Variants in NOL4 observed in about 807,000 individuals in gnomAD.
NOL4 encodes the protein cancer/testis antigen 125.
NOL4 carries 17 observed loss-of-function variants against 75.9 expected under a neutral mutation model. The ratio of observed to expected loss-of-function variants is 0.22; its 90% CI spans 0.15 to 0.34. The LOEUF (loss-of-function observed/expected upper bound fraction) is 0.34, where lower values mean the gene tolerates loss of function less well. Ranked by LOEUF, NOL4 falls within the 10% of genes least tolerant of loss-of-function variation. The pLI, the probability that NOL4 is intolerant of heterozygous loss-of-function variation, is 1.00. For synonymous variants in NOL4, 292 were observed against 289.9 expected, an observed-to-expected ratio of 1.01 and a Z score of -0.07; for missense variants, 614 against 793.5, an observed-to-expected ratio of 0.77 and a Z score of 2.72.
chr18:33,913,368 T>A (rs2066521801), intron 9 of NOL4, among the ~76,000 whole-genome samples: 1 of 152,096 alleles, frequency 6.6e-6, no homozygotes, highest in African/African-American at 2.4e-5. Context: ...ATGCAAAACC[T>A]TTTTTCTAGT....
chr18:34,026,592 A>G (rs2075354756), intron 5 of NOL4, among the ~76,000 whole-genome samples: 1 of 152,114 alleles, frequency 6.6e-6, no homozygotes, highest in Non-Finnish European at 1.5e-5. Context: ...AATGGGCTCC[A>G]TTTTCCAGAT....
intron 8 of NOL4, among the ~76,000 whole-genome samples, chr18:33,945,712 G>GA (rs35566879): frequency 1.3e-5 from 2 of 151,540 alleles, no homozygotes; most frequent in Admixed American, 1.3e-4. Context: ...CTATTGAGTG[G>GA]AAAAAATAAG....
intron 2 of NOL4, among the ~76,000 whole-genome samples, chr18:34,119,324 C>T (rs961741940): frequency 2.6e-5 from 4 of 152,078 alleles, no homozygotes; most frequent in African/African-American, 7.2e-5. Context: ...ATAGCAAAAC[C>T]AGGAAACTGC....
chr18:33,900,201 G>A (rs1318828505), intron 9 of NOL4, among the ~76,000 whole-genome samples: 1 of 152,094 alleles, frequency 6.6e-6, no homozygotes, highest in African/African-American at 2.4e-5. Context: ...GAGGAAGCAG[G>A]TGTGTCACAT....
At chr18:33,986,337 T>C (rs1046731553) in intron 6 of NOL4, among the ~76,000 whole-genome samples, 1 of 152,096 alleles carries the variant, frequency 6.6e-6, no homozygotes, top group Non-Finnish European at 1.5e-5. Flanking sequence ...TGTAAAGGTG[T>C]CAATTTACAT....
intron 9 of NOL4, among the ~76,000 whole-genome samples, chr18:33,937,268 T>C (rs2068120877): frequency 6.6e-6 from 1 of 152,148 alleles, no homozygotes; most frequent in Non-Finnish European, 1.5e-5. Flanking sequence ...AAGCTTCCTC[T>C]GGATTTTGGT....
chr18:34,112,294 G>T (rs569593975), intron 2 of NOL4, among the ~76,000 whole-genome samples: 1 of 151,836 alleles, frequency 6.6e-6, no homozygotes, highest in Non-Finnish European at 1.5e-5. Context: ...ACTTGAACCC[G>T]GGAGGCAGAG....
intron 1 of NOL4, among the ~76,000 whole-genome samples, chr18:34,132,067 C>T (rs981537108): frequency 2.0e-5 from 3 of 152,208 alleles, no homozygotes; most frequent in African/African-American, 7.2e-5. Flanking sequence ...TAGGAGAGAA[C>T]CCATTCTTTG....
chr18:34,039,004 T>C (rs967631035), intron 5 of NOL4, among the ~76,000 whole-genome samples: 3 of 151,980 alleles, frequency 2.0e-5, no homozygotes, highest in Non-Finnish European at 4.4e-5. Flanking sequence ...AAAATACAAA[T>C]ATCACATAAG....
intron 9 of NOL4, among the ~76,000 whole-genome samples, chr18:33,896,397 C>T (rs570643587): frequency 6.6e-6 from 1 of 152,172 alleles, no homozygotes; most frequent in East Asian, 1.9e-4. Context: ...TACAAGGCTA[C>T]AGTAACCAAA....
At chr18:34,055,086 T>C (rs1305002595) in intron 5 of NOL4, among the ~76,000 whole-genome samples, 1 of 151,478 alleles carries the variant, frequency 6.6e-6, no homozygotes, top group East Asian at 1.9e-4. Context: ...CCAAAGTACA[T>C]CTTTATGTAT....
chr18:33,916,921 C>A (rs889642459), intron 9 of NOL4, among the ~76,000 whole-genome samples: 2 of 152,046 alleles, frequency 1.3e-5, no homozygotes, highest in Non-Finnish European at 2.9e-5. Flanking sequence ...AAAATAAAAG[C>A]AATCAAAGTG....
intron 1 of NOL4, among the ~76,000 whole-genome samples, chr18:34,211,922 C>A (rs1333289048): frequency 6.6e-6 from 1 of 151,838 alleles, no homozygotes; most frequent in Non-Finnish European, 1.5e-5. Context: ...AGATCTTCTT[C>A]AAAATGTGTA....
At position 34,146,206 on chromosome 18, in the gene NOL4, G is replaced by A. The variant is rs570488357; in HGVS notation, c.265-16186C>T. Among the ~76,000 whole-genome samples, 8 of 152,044 alleles carry A rather than the reference G, an allele frequency of 5.3e-5. No homozygotes were observed. The South Asian group carries it at 1.5e-3, about 28-fold the overall frequency. On this transcript the variant is annotated intron_variant, in intron 1 of 10. Coordinates refer to ENST00000261592, the MANE Select transcript of NOL4 (RefSeq NM_003787.5). ...TACTGACTAGCCATTTATTCAGGCTGCATGTTTCTCTGCTTTGTCATTATT... is the reference window on the plus strand; with the variant it reads ...TACTGACTAGCCATTTATTCAGGCTACATGTTTCTCTGCTTTGTCATTATT...
intron 5 of NOL4, among the ~76,000 whole-genome samples, chr18:34,022,223 T>A (rs1160811804): frequency 6.6e-6 from 1 of 152,084 alleles, no homozygotes; most frequent in Non-Finnish European, 1.5e-5. Flanking sequence ...ATAATATTTT[T>A]AAACAGTTTT....
intron 9 of NOL4, among the ~76,000 whole-genome samples, chr18:33,915,533 A>G (rs1478647040): frequency 1.3e-5 from 2 of 152,084 alleles, no homozygotes; most frequent in Non-Finnish European, 2.9e-5. Flanking sequence ...AATTGCTGGA[A>G]TAGGCGAGAG....
chr18:34,214,802 TA>T (rs1030392300), intron 1 of NOL4, among the ~76,000 whole-genome samples: 3 of 152,272 alleles, frequency 2.0e-5, no homozygotes. Context: ...AAATGGCATA[TA>T]CCTACAATGG....
rs1555734853 is a variant in NOL4 at position 34,134,483 on chromosome 18, C to CACACACAT, written c.265-4464_265-4463insATGTGTGT. On this transcript the variant is annotated intron_variant, in intron 1 of 10. Transcript: ENST00000261592. ...ACACACACACACACACACACACACA[C>CACACACAT]ACACACACACACATTGATGAAGCAA... Among the ~76,000 whole-genome samples, 45 of 147,666 alleles carry CACACACAT rather than the reference C, an allele frequency of 3.0e-4. 3 individuals carry two copies. The highest frequency in any genetic ancestry group is 7.5e-4 in the African/African-American group (30 of 39,838).
At chr18:34,188,028 G>A (rs997544246) in intron 1 of NOL4, among the ~76,000 whole-genome samples, 2 of 152,108 alleles carry the variant, frequency 1.3e-5, no homozygotes, top group African/African-American at 4.8e-5. Context: ...GGTAGGTAGT[G>A]GAATCTCACT....
Sources: gnomAD v4.1 joint callset for allele counts (sites outside exome capture counted in the v4.1 genomes callset) on GRCh38, gnomAD v4.1.1 for gene constraint, MANE v1.5 for transcripts, NCBI Gene and HGNC (gene_info 2026-07-23, HGNC 2026-07-21) for gene names.